COL10A1: variants seen among roughly 807,000 people sequenced by gnomAD.
The protein encoded by COL10A1 is collagen alpha-1(X) chain.
A neutral mutation model predicts 18.2 loss-of-function variants in COL10A1; 10 were observed. The observed-to-expected ratio is 0.55, with a 90% CI of 0.34 to 0.93. The LOEUF is 0.93. Among genes scored for constraint, COL10A1 ranks in the 40% least tolerant of loss-of-function variants. COL10A1 has a pLI of 0.02. For missense variants in COL10A1, 897 were observed against 853.5 expected, an observed-to-expected ratio of 1.05 and a Z score of -0.64; for synonymous variants, 330 against 316.6, an observed-to-expected ratio of 1.04 and a Z score of -0.45.
chr6:116,165,660 C>T, the COL10A1 span, among the ~76,000 whole-genome samples: 1 of 152,226 alleles, frequency 6.6e-6, no homozygotes, highest in Admixed American at 6.5e-5. Flanking sequence ...ACCAGTACCA[C>T]CCCATTCAGT....
chr6:116,173,485 TTTAGAGCAGAGAG>T, the COL10A1 span, among the ~76,000 whole-genome samples: 2 of 152,076 alleles, frequency 1.3e-5, no homozygotes, highest in African/African-American at 4.8e-5. Flanking sequence ...TGTCAGTCCC[TTTAGAGCAGAGAG>T]CTTCATTCAC....
chr6:116,147,229 G>A (rs1475052510), intron 1 of COL10A1, among the ~76,000 whole-genome samples: 1 of 151,834 alleles, frequency 6.6e-6, no homozygotes, highest in Non-Finnish European at 1.5e-5. Context: ...TCACCTTGAG[G>A]TCAGGTGTTT....
chr6:116,166,025 T>A, the COL10A1 span, among the ~76,000 whole-genome samples: 1 of 152,214 alleles, frequency 6.6e-6, no homozygotes, highest in Non-Finnish European at 1.5e-5. Context: ...AAATCCGCAC[T>A]GACAGCATTG....
intron 1 of COL10A1, among the ~76,000 whole-genome samples, chr6:116,154,005 A>T (rs1028579740): frequency 2.6e-5 from 4 of 151,852 alleles, no homozygotes; most frequent in African/African-American, 9.7e-5. Flanking sequence ...TAGAATGTAC[A>T]ATACATGCCT....
chr6:116,164,351 C>T, the COL10A1 span, among the ~76,000 whole-genome samples: 1 of 151,962 alleles, frequency 6.6e-6, no homozygotes, highest in African/African-American at 2.4e-5. Context: ...CCTTCTTTGT[C>T]TTTTTTTACT....
intron 1 of COL10A1, among the ~76,000 whole-genome samples, chr6:116,131,606 T>C (rs1425991581): frequency 2.0e-5 from 3 of 152,186 alleles, no homozygotes; most frequent in Non-Finnish European, 4.4e-5. Context: ...AGATGCACCA[T>C]AGTTTTTTCA....
chr6:116,202,237 T>C, the COL10A1 span, among the ~76,000 whole-genome samples: 1 of 152,010 alleles, frequency 6.6e-6, no homozygotes, highest in South Asian at 2.1e-4. Flanking sequence ...TTGCACACAC[T>C]TGGCTATTCT....
chr6:116,178,110 CGTGT>C, the COL10A1 span, among the ~76,000 whole-genome samples: 2,633 of 117,508 alleles, frequency 0.022, 46 homozygotes, highest in African/African-American at 0.051. Context: ...CGCGTGCGTG[CGTGT>C]GTGTGTGTGT....
the COL10A1 span, among the ~76,000 whole-genome samples, chr6:116,194,268 G>A: frequency 6.6e-6 from 1 of 151,966 alleles, no homozygotes; most frequent in East Asian, 1.9e-4. Flanking sequence ...TTATAAAAAT[G>A]GAACTCTAAA....
At position 116,120,879 on chromosome 6, in the gene COL10A1, C is replaced by T; in HGVS notation, c.1237G>A (p.Gly413Arg). The change falls in exon 3 of 3, where the codon GGA (glycine) becomes AGA (arginine). Residue 413 changes from glycine to arginine, a missense_variant. Coordinates refer to ENST00000651968, the MANE Select transcript of COL10A1 (RefSeq NM_000493.4). ...PGLPGPKGDP[G>R]VGGPPGLPGP... Reference sequence around the variant, plus strand: ...GGGAGACCAGGAGGTCCTCCAACTCCAGGATCACCTTTTGGACCTGGTAAC... The same window carrying T: ...GGGAGACCAGGAGGTCCTCCAACTCTAGGATCACCTTTTGGACCTGGTAAC... 3 of 1,614,006 alleles carry T rather than the reference C, an allele frequency of 1.9e-6. No homozygotes were observed. Among genetic ancestry groups the T allele is most frequent in the Non-Finnish European group, 2.5e-6 (3 of 1,179,938 alleles).
chr6:116,169,769 TTTGGAGTTC>T, the COL10A1 span, among the ~76,000 whole-genome samples: 1 of 152,282 alleles, frequency 6.6e-6, no homozygotes, highest in East Asian at 1.9e-4. Flanking sequence ...TGGACAGACA[TTTGGAGTTC>T]AGAGGATTAT....
chr6:116,163,553 A>G (rs764266468), upstream of COL10A1, among the ~76,000 whole-genome samples: 11 of 151,260 alleles, frequency 7.3e-5, no homozygotes, highest in Non-Finnish European at 1.3e-4. Flanking sequence ...ATTTTTGTTT[A>G]TCTTCTTAAA....
At chr6:116,191,399 G>A in the COL10A1 span, among the ~76,000 whole-genome samples, 1 of 151,896 alleles carries the variant, frequency 6.6e-6, no homozygotes, top group Non-Finnish European at 1.5e-5. Context: ...TCTCTGGAAG[G>A]GGAAGGAGAG....
At chr6:116,204,646 C>G in the COL10A1 span, among the ~76,000 whole-genome samples, 1 of 151,906 alleles carries the variant, frequency 6.6e-6, no homozygotes, top group African/African-American at 2.4e-5. Flanking sequence ...CATATGTATA[C>G]ATGGACTCAG....
chr6:116,185,387 A>G, the COL10A1 span, among the ~76,000 whole-genome samples: 1,326 of 152,178 alleles, frequency 8.7e-3, 17 homozygotes, highest in African/African-American at 0.03. Context: ...CATTTGTTCT[A>G]GGGTATAGTT....
chr6:116,192,557 CCTAAA>C, the COL10A1 span, among the ~76,000 whole-genome samples: 2 of 151,912 alleles, frequency 1.3e-5, no homozygotes, highest in Non-Finnish European at 2.9e-5. Flanking sequence ...AGCAAAACTT[CCTAAA>C]CTATTTTCTT....
the COL10A1 span, among the ~76,000 whole-genome samples, chr6:116,204,582 C>T: frequency 2.8e-4 from 42 of 151,848 alleles, no homozygotes; most frequent in African/African-American, 9.4e-4. Flanking sequence ...AGATTAGAAA[C>T]GCAGATATGC....
intron 1 of COL10A1, among the ~76,000 whole-genome samples, chr6:116,136,899 TCCAGC>T (rs1390064236): frequency 6.6e-6 from 1 of 152,126 alleles, no homozygotes; most frequent in African/African-American, 2.4e-5. Flanking sequence ...ACAAGAAGAA[TCCAGC>T]CTGTGTTTGT....
At position 116,145,957 on chromosome 6, in the gene COL10A1, G is replaced by T. The variant is rs535618602; in HGVS notation, c.-16+12657C>A. Among the ~76,000 whole-genome samples, 5 of 152,308 alleles carry T rather than the reference G, an allele frequency of 3.3e-5. No individual in the cohort carries two copies. The South Asian group carries it at 8.3e-4, about 25-fold the overall frequency. ...CAATTTGGTATGCAGTCTAGTGTTT[G>T]TACAGAGCACTGTGCCAGGCAGAAA... On this transcript the variant is annotated intron_variant, in intron 1 of 1. Coordinates refer to the COL10A1 transcript ENST00000418500.
Sources: gnomAD v4.1 joint callset for allele counts (sites outside exome capture counted in the v4.1 genomes callset) on GRCh38, gnomAD v4.1.1 for gene constraint, MANE v1.5 for transcripts, NCBI Gene and HGNC (gene_info 2026-07-23, HGNC 2026-07-21) for gene names.